KLHL29: variants seen among roughly 807,000 people sequenced by gnomAD.
KLHL29 encodes kelch like family member 29.
KLHL29 carries 21 observed loss-of-function variants against 80.4 expected under a neutral mutation model. The observed-to-expected ratio is 0.26, with a 90% CI of 0.19 to 0.38. The LOEUF is 0.38. Ranked by LOEUF, KLHL29 falls within the 10% of genes least tolerant of loss-of-function variation. The probability of loss-of-function intolerance (pLI) is 1.00; values close to 1 mark genes in which losing one functional copy is unlikely to be tolerated. For missense variants in KLHL29, 867 were observed against 1,223.9 expected, an observed-to-expected ratio of 0.71 and a Z score of 4.35; for synonymous variants, 511 against 526.8, an observed-to-expected ratio of 0.97 and a Z score of 0.41.
chr2:23,611,043 A>G (rs1350330413), intron 3 of KLHL29, among the ~76,000 whole-genome samples: 1 of 152,058 alleles, frequency 6.6e-6, no homozygotes, highest in African/African-American at 2.4e-5. Context: ...GATGGTAATA[A>G]GTGCTGGCGA....
chr2:23,622,324 C>A (rs1669203089), intron 3 of KLHL29, among the ~76,000 whole-genome samples: 1 of 152,222 alleles, frequency 6.6e-6, no homozygotes, highest in South Asian at 2.1e-4. Flanking sequence ...ACTCAGCCCC[C>A]TCCTCCAGGC....
At chr2:23,603,371 A>G (rs647046) in intron 3 of KLHL29, among the ~76,000 whole-genome samples, 127,173 of 152,014 alleles carry the variant, frequency 0.84, 53,544 homozygotes, top group East Asian at 1. Context: ...CAGCGGCGGC[A>G]GTCAGGGCTC....
rs376252588 is a variant in KLHL29, at chr2:23,504,765, C to T, written c.-46+29098C>T. ...TGGCTGTCCTCGAGCCAGCATGTGC[C>T]GGGCACAAGCCAGGAGCCGTGGCAG... On this transcript the variant is annotated intron_variant, in intron 2 of 13. Coordinates refer to ENST00000486442, the MANE Select transcript of KLHL29 (RefSeq NM_052920.2). Among the ~76,000 whole-genome samples, 101 of 152,352 alleles carry T rather than the reference C, an allele frequency of 6.6e-4. 1 individual carries two copies. In the East Asian group the frequency reaches 0.015, roughly 23 times the overall value.
At chr2:23,692,064 C>T (rs750249712) in intron 7 of KLHL29, among the ~76,000 whole-genome samples, 188 bp downstream of exon 7, 9 of 152,234 alleles carry the variant, frequency 5.9e-5, no homozygotes, top group Non-Finnish European at 1.2e-4. Context: ...CTCTCTTTCC[C>T]TGGCATGGAA....
At chr2:23,531,901 C>G (rs1666501598) in intron 2 of KLHL29, among the ~76,000 whole-genome samples, 1 of 152,144 alleles carries the variant, frequency 6.6e-6, no homozygotes, top group African/African-American at 2.4e-5. Flanking sequence ...ACTTTCTCAC[C>G]CTCTTTGACA....
chr2:23,604,476 C>A (rs889984172), intron 3 of KLHL29, among the ~76,000 whole-genome samples: 28 of 152,186 alleles, frequency 1.8e-4, no homozygotes, highest in Non-Finnish European at 4.0e-4. Context: ...CACTGGGACG[C>A]AAGTGTCACA....
In KLHL29 at chr2:23,480,262, G is replaced by A. The variant is rs561403457; in HGVS notation, c.-46+4595G>A. ...AGCACTTTGGGAGGCCGAGGTGGGC[G>A]GATCACTTGAGGCCAGGAGTTCAGG... On this transcript the variant is annotated intron_variant, in intron 2 of 13. Coordinates refer to ENST00000486442, the MANE Select transcript of KLHL29 (RefSeq NM_052920.2). 3.3e-5 allele frequency among the ~76,000 whole-genome samples: 5 copies of A among 152,316 alleles called. No individual in the cohort carries two copies. In the South Asian group the frequency reaches 8.3e-4, roughly 25 times the overall value.
At chr2:23,598,686 G>A (rs778329177) in intron 3 of KLHL29, among the ~76,000 whole-genome samples, 7 of 152,250 alleles carry the variant, frequency 4.6e-5, no homozygotes, top group Non-Finnish European at 7.3e-5. Flanking sequence ...CAGCCCCATG[G>A]TGGCCCAGGG....
Position 23,490,231 on chromosome 2 carries a change from G to A in KLHL29, c.-46+14564G>A, listed in dbSNP as rs115908742. 4.8e-3 allele frequency among the ~76,000 whole-genome samples: 728 copies of A among 152,192 alleles called. 9 individuals carry two copies. The highest frequency in any genetic ancestry group is 0.017 in the African/African-American group (697 of 41,538). On this transcript the variant is annotated intron_variant, in intron 2 of 13. Transcript: ENST00000486442. ...CCCCACTTGTTTCTGCTAAAGATAA[G>A]CTATTTTGTAGGCCATTGAAGCCAA...
At chr2:23,387,892 T>A (rs1666225238) in intron 1 of KLHL29, among the ~76,000 whole-genome samples, 2 of 152,218 alleles carry the variant, frequency 1.3e-5, no homozygotes, top group African/African-American at 4.8e-5. Context: ...ATCTAACCAA[T>A]TTTAATAACT....
intron 2 of KLHL29, among the ~76,000 whole-genome samples, chr2:23,491,623 G>A (rs931788054): frequency 6.6e-6 from 1 of 152,094 alleles, no homozygotes; most frequent in Admixed American, 6.5e-5. Context: ...TGTCCCAGCA[G>A]TGGGAATCCC....
intron 3 of KLHL29, among the ~76,000 whole-genome samples, chr2:23,587,445 C>A (rs927639559): frequency 6.6e-6 from 1 of 152,078 alleles, no homozygotes; most frequent in African/African-American, 2.4e-5. Flanking sequence ...TTCTCAAGCC[C>A]TCGTACATGG....
intron 2 of KLHL29, among the ~76,000 whole-genome samples, chr2:23,521,485 C>T (rs1379038391): frequency 6.6e-6 from 1 of 152,210 alleles, no homozygotes; most frequent in Non-Finnish European, 1.5e-5. Flanking sequence ...CAGCCTGTCC[C>T]CTAGGTCCAT....
chr2:23,531,565 G>A (rs920259479), intron 2 of KLHL29, among the ~76,000 whole-genome samples: 1 of 152,220 alleles, frequency 6.6e-6, no homozygotes, highest in Non-Finnish European at 1.5e-5. Context: ...TCACTTGCCA[G>A]TAATATCTAT....
At chr2:23,670,917 G>GCGCGCGCACTCTCTCTCTCTCT (rs150131401) in intron 5 of KLHL29, among the ~76,000 whole-genome samples, 3 of 18,568 alleles carry the variant, frequency 1.6e-4, no homozygotes, top group Admixed American at 7.1e-4. Context: ...ACATGCACGC[G>GCGCGCGCACTCTCTCTCTCTCT]CTCTCTCTCT....
chr2:23,702,455 T>C (rs1672460228), intron 11 of KLHL29, among the ~76,000 whole-genome samples: 1 of 152,146 alleles, frequency 6.6e-6, no homozygotes, highest in South Asian at 2.1e-4. Flanking sequence ...AGTCAAAAAA[T>C]CCTAAGTCGG....
Position 23,554,860 on chromosome 2 carries a change from G to A in KLHL29, c.-45-7292G>A, listed in dbSNP as rs78433690. ...GTCTGCGTGGCAGGGCTGCCGATCCGATCTCCAGCAAGTGTCCAGGAGTCC... is the reference window on the plus strand; with the variant it reads ...GTCTGCGTGGCAGGGCTGCCGATCCAATCTCCAGCAAGTGTCCAGGAGTCC... On this transcript the variant is annotated intron_variant, in intron 2 of 13. Transcript: ENST00000486442. Among the ~76,000 whole-genome samples, 594 of 152,280 alleles carry A rather than the reference G, an allele frequency of 3.9e-3. 3 individuals are homozygous for A. The highest frequency in any genetic ancestry group is 0.013 in the African/African-American group (545 of 41,540).
At chr2:23,524,005 C>T (rs1413560466) in intron 2 of KLHL29, 9 of 471,608 alleles carry the variant, frequency 1.9e-5, no homozygotes, top group Non-Finnish European at 3.5e-5. Flanking sequence ...ACACCACCAG[C>T]GTTGCTCTGT....
chr2:23,530,817 T>A (rs1053736326), intron 2 of KLHL29, among the ~76,000 whole-genome samples: 2 of 151,644 alleles, frequency 1.3e-5, no homozygotes, highest in African/African-American at 4.8e-5. Flanking sequence ...TGCTTCTGAA[T>A]CTGCTCAGGA....
Sources: gnomAD v4.1 joint callset for allele counts (sites outside exome capture counted in the v4.1 genomes callset) on GRCh38, gnomAD v4.1.1 for gene constraint, MANE v1.5 for transcripts, NCBI Gene and HGNC (gene_info 2026-07-23, HGNC 2026-07-21) for gene names.